The following RAB3B variants were observed in gnomAD, a reference collection of about 807,000 sequenced individuals.
The protein encoded by RAB3B is RAB3B, member RAS oncogene family.
RAB3B carries 11 observed loss-of-function variants against 20.5 expected under a neutral mutation model. The ratio of observed to expected loss-of-function variants is 0.54; its 90% CI spans 0.34 to 0.89. The LOEUF (loss-of-function observed/expected upper bound fraction) is 0.89, where lower values mean the gene tolerates loss of function less well. Among genes scored for constraint, RAB3B ranks in the 40% least tolerant of loss-of-function variants. The pLI is 0.02. For missense variants in RAB3B, 225 were observed against 280.9 expected (o/e 0.80, Z 1.42); for synonymous variants, 99 against 106.3 (o/e 0.93, Z 0.42).
intron 2 of RAB3B, among the ~76,000 whole-genome samples, chr1:51,973,989 A>G (rs1270591040): frequency 6.6e-6 from 1 of 152,208 alleles, no homozygotes; most frequent in East Asian, 1.9e-4. Flanking sequence ...TAATTTCTTC[A>G]GTTCCCTAAG....
chr1:51,989,354 A>G (rs1016307978), intron 1 of RAB3B, among the ~76,000 whole-genome samples: 1 of 151,306 alleles, frequency 6.6e-6, no homozygotes, highest in African/African-American at 2.4e-5. Flanking sequence ...TGCTTGGACT[A>G]CAGAACAGAG....
rs536488086 is a variant in RAB3B, at chr1:51,967,514, T to C, written c.228+9376A>G. On this transcript the variant is annotated intron_variant, in intron 2 of 4. Transcript: ENST00000371655. ...AGGTATTTTCCTTTTTCTTTTCTTT[T>C]CTTTTTCTTTTTTTTTTTTTTTTTT... Among the ~76,000 whole-genome samples the C allele has an allele frequency of 9.6e-4, 80 of 83,236 alleles. No individual in the cohort carries two copies. The South Asian group carries it at 0.019, about 19-fold the overall frequency. 54.6% of individuals were successfully genotyped at this position (83,236 alleles called of 152,430 possible).
chr1:51,960,320 T>C (rs997750515), intron 2 of RAB3B, among the ~76,000 whole-genome samples: 4 of 152,124 alleles, frequency 2.6e-5, no homozygotes, highest in Non-Finnish European at 5.9e-5. Context: ...CCCTTAGTTT[T>C]GAGCTGGGGG....
Position 51,921,646 on chromosome 1 carries a change from C to T in RAB3B, c.473-1532G>A, listed in dbSNP as rs112836759. On this transcript the variant is annotated intron_variant, in intron 4 of 4. Coordinates refer to ENST00000371655, the MANE Select transcript of RAB3B (RefSeq NM_002867.4). The stretch of plus-strand genomic sequence containing the variant: ...CACCTCTCTGCTCACTTAACCTCTC[C>T]AATTCTCAGACTCCCTGTTGTCAAA... 1.1e-3 allele frequency among the ~76,000 whole-genome samples: 169 copies of T among 152,292 alleles called. 2 individuals are homozygous for T. The highest frequency in any genetic ancestry group is 4.0e-3 in the African/African-American group (168 of 41,566).
chr1:51,945,520 G>A (rs913904732), intron 2 of RAB3B, among the ~76,000 whole-genome samples: 16 of 152,078 alleles, frequency 1.1e-4, no homozygotes, highest in Non-Finnish European at 2.1e-4. Context: ...CAACATATCC[G>A]AGGTATGCCT....
At chr1:51,955,330 C>T (rs567774028) in intron 2 of RAB3B, among the ~76,000 whole-genome samples, 79 of 152,296 alleles carry the variant, frequency 5.2e-4, no homozygotes, top group African/African-American at 1.6e-3. Context: ...CTACAGCACC[C>T]TCTGACATGA....
chr1:51,911,085 G>T lies in RAB3B; in HGVS notation c.*8842C>A, dbSNP rs1683991038. 1 of 152,256 alleles carries T rather than the reference G, an allele frequency of 6.6e-6. No homozygotes were observed. The highest frequency in any genetic ancestry group is 1.5e-5 in the Non-Finnish European group (1 of 68,078). 9.4% of individuals were successfully genotyped at this position (152,256 alleles called of 1,614,324 possible). On this transcript the variant is annotated 3_prime_UTR_variant, in exon 5 of 5. Transcript: ENST00000371655. Reference sequence around the variant, plus strand: ...GATGGCGGATGTCACTGAGATGGCTGAGAAATAGGAACGGATGTGGAGAAA... The same window carrying T: ...GATGGCGGATGTCACTGAGATGGCTTAGAAATAGGAACGGATGTGGAGAAA...
At chr1:51,970,087 A>ACC (rs1684907926) in intron 2 of RAB3B, among the ~76,000 whole-genome samples, 1 of 151,406 alleles carries the variant, frequency 6.6e-6, no homozygotes, top group African/African-American at 2.4e-5. Context: ...AAAAACCCAA[A>ACC]AAACAAAAAA....
At chr1:51,965,585 T>C (rs1684840125) in intron 2 of RAB3B, among the ~76,000 whole-genome samples, 1 of 151,150 alleles carries the variant, frequency 6.6e-6, no homozygotes, top group South Asian at 2.1e-4. Context: ...AAGCGGAGGT[T>C]GCAGTGAGCC....
intron 2 of RAB3B, among the ~76,000 whole-genome samples, chr1:51,959,137 G>A (rs1461774460): frequency 1.3e-5 from 2 of 152,186 alleles, no homozygotes. Context: ...CTGCCACTGA[G>A]TTGCGGGGAG....
intron 2 of RAB3B, among the ~76,000 whole-genome samples, chr1:51,971,023 A>AC (rs2124303553): frequency 6.6e-6 from 1 of 151,336 alleles, no homozygotes; most frequent in African/African-American, 2.4e-5. Context: ...AAAAAAAAAA[A>AC]AAAAAAAAAA....
intron 2 of RAB3B, among the ~76,000 whole-genome samples, chr1:51,976,039 T>A (rs1388210348): frequency 1.3e-5 from 2 of 151,614 alleles, no homozygotes; most frequent in Non-Finnish European, 2.9e-5. Flanking sequence ...TTCAGATGAC[T>A]GCAAGCCAAG....
rs6588416 is a variant in RAB3B, at chr1:51,909,752, T to C, written c.*10175A>G. 102,384 of 152,068 alleles carry C rather than the reference T, an allele frequency of 0.67. 34,716 individuals carry two copies. Among genetic ancestry groups the C allele is most frequent in the East Asian group, 0.89 (4,618 of 5,178 alleles). The allele number at this position is 152,068 out of a possible 1,614,324, so 9.4% of individuals were successfully genotyped here. On this transcript the variant is annotated 3_prime_UTR_variant, in exon 5 of 5. Coordinates refer to ENST00000371655, the MANE Select transcript of RAB3B (RefSeq NM_002867.4). ...TTCTACCCTGATCCACTTAGTAAGT[T>C]CAAGCTCCATCTCCTACTTACACAA...
intron 3 of RAB3B, among the ~76,000 whole-genome samples, chr1:51,934,445 T>C (rs1684368489): frequency 6.6e-6 from 1 of 152,180 alleles, no homozygotes; most frequent in African/African-American, 2.4e-5. Flanking sequence ...CAGCAGTGGT[T>C]ACCTTCATAT....
chr1:51,970,776 C>T (rs1011418029), intron 2 of RAB3B, among the ~76,000 whole-genome samples: 1 of 151,416 alleles, frequency 6.6e-6, no homozygotes. Context: ...GAGGCCGAGG[C>T]GGGCAGATCA....
At chr1:51,945,947 T>A (rs1684559113) in intron 2 of RAB3B, among the ~76,000 whole-genome samples, 1 of 152,250 alleles carries the variant, frequency 6.6e-6, no homozygotes, top group Non-Finnish European at 1.5e-5. Flanking sequence ...ACATCTGGAA[T>A]GGAAATAAAA....
chr1:51,963,868 T>C (rs770722413), intron 2 of RAB3B, among the ~76,000 whole-genome samples: 1 of 152,232 alleles, frequency 6.6e-6, no homozygotes, highest in Non-Finnish European at 1.5e-5. Flanking sequence ...AGTTCAAGGA[T>C]ATTGTCCCAG....
At chr1:51,953,670 G>A (rs970500141) in intron 2 of RAB3B, among the ~76,000 whole-genome samples, 4 of 152,134 alleles carry the variant, frequency 2.6e-5, no homozygotes, top group Admixed American at 6.5e-5. Context: ...GTGCAGTGGC[G>A]CACGCCTGTA....
At chr1:51,965,373 G>GC (rs1175904067) in intron 2 of RAB3B, among the ~76,000 whole-genome samples, 1 of 152,154 alleles carries the variant, frequency 6.6e-6, no homozygotes, top group Non-Finnish European at 1.5e-5. Context: ...ATTTTGGCTG[G>GC]CCCGGTGGCT....
Sources: gnomAD v4.1 joint callset for allele counts (sites outside exome capture counted in the v4.1 genomes callset) on GRCh38, gnomAD v4.1.1 for gene constraint, MANE v1.5 for transcripts, NCBI Gene and HGNC (gene_info 2026-07-23, HGNC 2026-07-21) for gene names.